Variants in NUP188 observed in about 807,000 individuals in gnomAD.
NUP188 encodes nucleoporin 188, also known as nucleoporin NUP188.
NUP188 carries 97 observed loss-of-function variants against 223.0 expected under a neutral mutation model. That is an observed-to-expected ratio of 0.43 (90% CI 0.37 to 0.51). NUP188 has a LOEUF of 0.51. Ranked by LOEUF, NUP188 falls within the 20% of genes least tolerant of loss-of-function variation. NUP188 has a pLI of 0.00. For synonymous variants in NUP188, 869 were observed against 828.0 expected, an observed-to-expected ratio of 1.05 and a Z score of -0.85; for missense variants, 1,947 against 2,175.6, an observed-to-expected ratio of 0.89 and a Z score of 2.09.
intron 19 of NUP188, among the ~76,000 whole-genome samples, chr9:128,984,520 G>A (rs1440004263): frequency 1.3e-5 from 2 of 152,112 alleles, no homozygotes; most frequent in Non-Finnish European, 2.9e-5. Context: ...TAGATTCAGG[G>A]ACTTGGTGTC....
chr9:128,969,081 C>A (rs1011564241), intron 9 of NUP188, among the ~76,000 whole-genome samples: 1 of 152,122 alleles, frequency 6.6e-6, no homozygotes, highest in Non-Finnish European at 1.5e-5. Flanking sequence ...CTTTAAATTT[C>A]TTGTTTTTTC....
At chr9:128,959,184 T>C (rs1439404178) in intron 8 of NUP188, 50 bp downstream of exon 8, 1 of 1,442,494 alleles carries the variant, frequency 6.9e-7, no homozygotes, top group East Asian at 2.4e-5. Context: ...AAGATGGAGT[T>C]TCCCTCTGTC....
Position 129,006,832 on chromosome 9 carries a change from C to A in NUP188, c.*154C>A. The A allele has an allele frequency of 2.8e-6, 2 of 706,596 alleles. No homozygotes were observed. The highest frequency in any genetic ancestry group is 2.9e-5 in the East Asian group (1 of 34,448). 43.8% of individuals were successfully genotyped at this position (706,596 alleles called of 1,614,324 possible). A position where few individuals can be genotyped will look rare whatever the true frequency, so the allele number is the denominator to read the frequency against. On this transcript the variant is annotated 3_prime_UTR_variant, in exon 44 of 44. Coordinates refer to ENST00000372577, the MANE Select transcript of NUP188 (RefSeq NM_015354.3). ...CACGACTCCAGCCACCACCCACTGA[C>A]GTTATTTTTATACTAGATGAAGAGG...
intron 37 of NUP188, 144 bp downstream of exon 37, chr9:129,003,119 T>C: frequency 2.7e-6 from 3 of 1,121,178 alleles, no homozygotes; most frequent in Non-Finnish European, 3.8e-6. Flanking sequence ...CTAAGTACTC[T>C]GCTGGCTCAC....
intron 15 of NUP188, 35 bp from the exon 16 acceptor site, chr9:128,982,514 C>T (rs770618387): frequency 1.3e-6 from 2 of 1,565,682 alleles, no homozygotes; most frequent in African/African-American, 1.4e-5. Flanking sequence ...TTTATTTATC[C>T]TCAGATATTA....
Position 128,987,859 on chromosome 9 carries a change from G to T in NUP188, c.2393+142G>T, listed in dbSNP as rs535975381. On this transcript the variant is annotated intron_variant, in intron 23 of 43. Coordinates refer to ENST00000372577, the MANE Select transcript of NUP188 (RefSeq NM_015354.3). ...GACATAGCCTTTACATACCCTAGTGGCTGCTGTATAGATTGGCGTATAGCA... is the reference window on the plus strand; with the variant it reads ...GACATAGCCTTTACATACCCTAGTGTCTGCTGTATAGATTGGCGTATAGCA... 14 of 1,240,878 alleles carry T rather than the reference G, an allele frequency of 1.1e-5. No homozygotes were observed. In the African/African-American group the frequency reaches 1.8e-4, roughly 16 times the overall value. 76.9% of individuals were successfully genotyped at this position (1,240,878 alleles called of 1,614,324 possible).
At chr9:128,978,479 C>T (rs552507754) in intron 12 of NUP188, among the ~76,000 whole-genome samples, 3 of 140,374 alleles carry the variant, frequency 2.1e-5, no homozygotes, top group South Asian at 2.3e-4. Flanking sequence ...AGGAGAATGG[C>T]GTGAACCTGG....
At chr9:128,952,514 G>T (rs1027443987) in intron 2 of NUP188, among the ~76,000 whole-genome samples, 1 of 152,268 alleles carries the variant, frequency 6.6e-6, no homozygotes, top group Non-Finnish European at 1.5e-5. Flanking sequence ...CTTGAGGTGG[G>T]GAGTTCGAGA....
chr9:128,953,179 T>C (rs754782755), intron 3 of NUP188, among the ~76,000 whole-genome samples: 3 of 152,204 alleles, frequency 2.0e-5, no homozygotes, highest in Non-Finnish European at 2.9e-5. Flanking sequence ...CAGTGAAGGA[T>C]GATGCTAACA....
chr9:128,993,781 A>C (rs1842471475), intron 27 of NUP188, 87 bp downstream of exon 27: 1 of 1,249,296 alleles, frequency 8.0e-7, no homozygotes, highest in Non-Finnish European at 1.1e-6. Context: ...TTGTTGTGAC[A>C]GTTCACTGGG....
chr9:128,995,230 T>C (rs956011436), intron 29 of NUP188, 89 bp from the exon 30 acceptor site: 7 of 1,039,782 alleles, frequency 6.7e-6, no homozygotes, highest in Non-Finnish European at 1.0e-5. Flanking sequence ...CCATGCAAGG[T>C]CGTTTTCTCT....
In NUP188 at chr9:128,988,051, G is replaced by A. The variant is rs150798802; in HGVS notation, c.2398G>A (p.Gly800Arg). 1 of 1,614,040 alleles carries A rather than the reference G, an allele frequency of 6.2e-7. No individual in the cohort carries two copies. The highest frequency in any genetic ancestry group is 1.3e-5 in the African/African-American group (1 of 75,050). Residue 800 changes from glycine to arginine, a missense_variant, in exon 24 of 44, where the codon GGG becomes AGG. Around this residue, in one of 3 missense-constraint regions of NUP188, gnomAD observed 225 missense variants for 319.1 expected, o/e 0.71. Coordinates refer to ENST00000372577, the MANE Select transcript of NUP188 (RefSeq NM_015354.3). Reference protein sequence around the residue: ...MVMAAQPRSDGAEGQGQGQLL... With the variant: ...MVMAAQPRSDRAEGQGQGQLL... Reference sequence around the variant, plus strand: ...GGTTTCCATTTGGCACCCTAGTGATGGGGCAGAGGGCCAGGGGCAGGGCCA... The same window carrying A: ...GGTTTCCATTTGGCACCCTAGTGATAGGGCAGAGGGCCAGGGGCAGGGCCA...
At chr9:128,969,105 G>A (rs1022308615) in intron 9 of NUP188, among the ~76,000 whole-genome samples, 3 of 152,136 alleles carry the variant, frequency 2.0e-5, no homozygotes, top group Non-Finnish European at 4.4e-5. Context: ...ATTTATGACC[G>A]TGGATATATC....
At chr9:128,982,435 A>C (rs1842269263) in intron 15 of NUP188, 114 bp from the exon 16 acceptor site, 1 of 1,049,570 alleles carries the variant, frequency 9.5e-7, no homozygotes, top group Non-Finnish European at 1.4e-6. Flanking sequence ...CTCAAAAAAA[A>C]AAAATGTCTG....
rs1251752885 is a variant in NUP188 at position 129,006,792 on chromosome 9, C to G, written c.*114C>G. ...CAATGGAGGGCACCTCCTGTCACCC[C>G]CCTCCCGGAGTAGCCACGACTCCAG... On this transcript the variant is annotated 3_prime_UTR_variant, in exon 44 of 44. Transcript: ENST00000372577. 2 of 1,149,460 alleles carry G rather than the reference C, an allele frequency of 1.7e-6. No individual in the cohort carries two copies. Among genetic ancestry groups the G allele is most frequent in the Non-Finnish European group, 2.4e-6 (2 of 832,880 alleles). The allele number at this position is 1,149,460 out of a possible 1,614,324, so 71.2% of individuals were successfully genotyped here.
Position 129,006,340 on chromosome 9 carries a change from G to A in NUP188, c.5045G>A (p.Arg1682Gln), listed in dbSNP as rs1842802723. Residue 1682 changes from arginine to glutamine, a missense_variant, in exon 43 of 44, where the codon CGG becomes CAG. By Grantham distance (43) the Arg-to-Gln change is conservative. Transcript: ENST00000372577. ...DPAVHPRDKQ[R>Q]MKQELSSELS... ...GCTGTGCACCCCCGGGACAAACAGC[G>A]GATGAAGCAGGAGCTCAGCTCTGAG... The A allele has an allele frequency of 6.8e-6, 11 of 1,614,174 alleles. No individual in the cohort carries two copies. The highest frequency in any genetic ancestry group is 2.2e-5 in the East Asian group (1 of 44,880).
In NUP188 at chr9:128,993,603, T is replaced by C. The variant is rs1842467256; in HGVS notation, c.2926T>C (p.Cys976Arg). 6.2e-7 allele frequency: 1 copy of C among 1,614,202 alleles called. No individual in the cohort carries two copies. Among genetic ancestry groups the C allele is most frequent in the Non-Finnish European group, 8.5e-7 (1 of 1,180,028 alleles). Residue 976 changes from cysteine (C) to arginine (R), a missense_variant, in exon 27 of 44, where the codon TGC becomes CGC. Cys to Arg is a radical substitution (Grantham distance 180, BLOSUM62 -3). Coordinates refer to ENST00000372577, the MANE Select transcript of NUP188 (RefSeq NM_015354.3). Reference protein sequence around the residue: ...IDSQQQDRYWCPPLLHRAAIA... With the variant: ...IDSQQQDRYWRPPLLHRAAIA... ...TTCCCAACAGCAAGATCGATACTGG[T>C]GCCCACCCCTGCTGCATCGTGCCGC...
chr9:128,949,131 G>A, intron 1 of NUP188, 58 bp from the exon 2 acceptor site: 5 of 1,243,850 alleles, frequency 4.0e-6, no homozygotes, highest in South Asian at 1.3e-5. Flanking sequence ...CTATGAGGCA[G>A]TGTACAAGTT....
At chr9:128,969,964 A>G (rs571613227) in intron 10 of NUP188, among the ~76,000 whole-genome samples, 9 of 149,080 alleles carry the variant, frequency 6.0e-5, no homozygotes, top group Non-Finnish European at 1.0e-4. Context: ...GTCTTCCTCT[A>G]TCACCCAGGC....
Sources: gnomAD v4.1 joint callset for allele counts (sites outside exome capture counted in the v4.1 genomes callset) on GRCh38, gnomAD v4.1.1 for gene constraint, gnomAD v4.1.1 regional missense constraint, MANE v1.5 for transcripts, NCBI Gene and HGNC (gene_info 2026-07-23, HGNC 2026-07-21) for gene names.